The following PTPRG variants were observed in gnomAD, a reference collection of about 807,000 sequenced individuals.
PTPRG encodes the protein receptor-type tyrosine-protein phosphatase gamma.
PTPRG carries 102 observed loss-of-function variants against 165.3 expected under a neutral mutation model. The observed-to-expected ratio is 0.62, with a 90% CI of 0.53 to 0.73. The LOEUF is 0.73. Ranked by LOEUF, PTPRG falls within the 30% of genes least tolerant of loss-of-function variation. The probability of loss-of-function intolerance (pLI) is 0.00; values close to 1 mark genes in which losing one functional copy is unlikely to be tolerated. For missense variants in PTPRG, 1,866 were observed against 1,861.4 expected (o/e 1.00, Z -0.05); for synonymous variants, 675 against 669.5 (o/e 1.01, Z -0.13).
At chr3:61,702,480 A>T (rs1183854726) in intron 1 of PTPRG, among the ~76,000 whole-genome samples, 2 of 152,356 alleles carry the variant, frequency 1.3e-5, no homozygotes, top group East Asian at 3.9e-4. Flanking sequence ...ACTTTTCATT[A>T]AACAATTAAA....
At chr3:62,146,631 T>A (rs59869788) in intron 6 of PTPRG, among the ~76,000 whole-genome samples, 12,774 of 146,174 alleles carry the variant, frequency 0.087, 1,534 homozygotes, top group African/African-American at 0.27. Context: ...CTGTTGCTTT[T>A]AAAAAAAAAA....
At chr3:61,691,117 T>G (rs2030178335) in intron 1 of PTPRG, among the ~76,000 whole-genome samples, 1 of 152,184 alleles carries the variant, frequency 6.6e-6, no homozygotes, top group Admixed American at 6.5e-5. Flanking sequence ...TGGGTGACTT[T>G]AAAACAAGTT....
Position 61,975,892 on chromosome 3 carries a change from G to T in PTPRG, c.191-13733G>T, listed in dbSNP as rs960976404. Among the ~76,000 whole-genome samples, 6 of 152,170 alleles carry T rather than the reference G, an allele frequency of 3.9e-5. No homozygotes were observed. In the East Asian group the frequency reaches 1.2e-3, roughly 29 times the overall value. ...GCCATTTTTACGTTTTCACTGATTT[G>T]CTCTTTTTTATATATTCTCCTTGTA... On this transcript the variant is annotated intron_variant, in intron 2 of 29. Transcript: ENST00000474889.
At chr3:62,244,105 C>T (rs144627984) in intron 15 of PTPRG, among the ~76,000 whole-genome samples, 4 of 152,268 alleles carry the variant, frequency 2.6e-5, no homozygotes, top group South Asian at 2.1e-4. Context: ...AGGGAAAAAC[C>T]GTACAAAAAC....
chr3:62,119,373 A>G (rs1220800814), intron 5 of PTPRG, among the ~76,000 whole-genome samples: 2 of 152,236 alleles, frequency 1.3e-5, no homozygotes, highest in Non-Finnish European at 2.9e-5. Flanking sequence ...CATTGAGCTT[A>G]GCTCTGATGA....
At chr3:61,564,499 C>T (rs1466630329) in intron 1 of PTPRG, among the ~76,000 whole-genome samples, 1 of 152,114 alleles carries the variant, frequency 6.6e-6, no homozygotes, top group Non-Finnish European at 1.5e-5. Flanking sequence ...TTCGCGCCCA[C>T]GCTGCGAGGT....
intron 2 of PTPRG, among the ~76,000 whole-genome samples, chr3:61,850,812 A>T (rs995250369): frequency 5.3e-5 from 8 of 152,224 alleles, no homozygotes; most frequent in Non-Finnish European, 1.0e-4. Context: ...AAATGAGAGC[A>T]CCATCTTAAA....
intron 2 of PTPRG, among the ~76,000 whole-genome samples, chr3:61,772,566 A>T (rs759855464): frequency 6.6e-6 from 1 of 152,162 alleles, no homozygotes; most frequent in Non-Finnish European, 1.5e-5. Context: ...ATCTTTGTAC[A>T]TACACTCTTT....
intron 2 of PTPRG, among the ~76,000 whole-genome samples, chr3:61,876,773 A>G (rs2037750311): frequency 1.3e-5 from 2 of 152,160 alleles, no homozygotes; most frequent in African/African-American, 4.8e-5. Context: ...CCTTCTATTA[A>G]TATAACTAGC....
At chr3:62,175,091 G>A (rs1705364329) in intron 8 of PTPRG, among the ~76,000 whole-genome samples, 1 of 152,118 alleles carries the variant, frequency 6.6e-6, no homozygotes, top group Non-Finnish European at 1.5e-5. Flanking sequence ...ATTTTTAAAT[G>A]CTCAGACATT....
At position 62,285,960 on chromosome 3, in the gene PTPRG, A is replaced by G. The variant is rs2148895284; in HGVS notation, c.4055+3091A>G. Among the ~76,000 whole-genome samples, 2 of 152,312 alleles carry G rather than the reference A, an allele frequency of 1.3e-5. 1 individual carries two copies. Among genetic ancestry groups the G allele is most frequent in the Middle Eastern group, 6.8e-3 (2 of 294 alleles). On this transcript the variant is annotated intron_variant, in intron 28 of 29. Coordinates refer to ENST00000474889, the MANE Select transcript of PTPRG (RefSeq NM_002841.4). ...CTGCCTTATTCATACCCATTCTGTC[A>G]TGAGTGGACAATTAAAAAGAGTTTT...
intron 4 of PTPRG, among the ~76,000 whole-genome samples, chr3:62,020,556 G>A (rs918146783): frequency 2.0e-5 from 3 of 152,122 alleles, no homozygotes; most frequent in African/African-American, 7.2e-5. Flanking sequence ...CTTTTGAAAT[G>A]CCAATATGAC....
At chr3:61,714,452 C>A (rs2031713658) in intron 1 of PTPRG, among the ~76,000 whole-genome samples, 1 of 151,948 alleles carries the variant, frequency 6.6e-6, no homozygotes, top group Non-Finnish European at 1.5e-5. Context: ...CTTAAGCAGC[C>A]ATGATGGGAC....
At chr3:61,741,264 C>T (rs554124867) in intron 1 of PTPRG, among the ~76,000 whole-genome samples, 1 of 152,168 alleles carries the variant, frequency 6.6e-6, no homozygotes, top group Non-Finnish European at 1.5e-5. Flanking sequence ...TGCTTGTCTG[C>T]CATTCTGGAT....
intron 2 of PTPRG, among the ~76,000 whole-genome samples, chr3:61,922,931 A>C (rs1019763805): frequency 6.6e-6 from 1 of 152,176 alleles, no homozygotes; most frequent in Admixed American, 6.5e-5. Flanking sequence ...GTAAGCCACC[A>C]TACCCCACCC....
At position 61,748,947 on chromosome 3, in the gene PTPRG, G is replaced by A. The variant is rs760765025; in HGVS notation, c.155G>A (p.Arg52His). The A allele has an allele frequency of 1.9e-6, 3 of 1,611,782 alleles. No homozygotes were observed. The highest frequency in any genetic ancestry group is 2.2e-5 in the East Asian group (1 of 44,842). Residue 52 changes from arginine to histidine, a missense_variant, in exon 2 of 30, where the codon CGC becomes CAC. This residue lies in a region of PTPRG where 408 missense variants were observed against 376.2 expected (regional missense o/e 1.08). Transcript: ENST00000474889. ...GGCAGCGCAGTGCAGATCCGCAGGC[G>A]CAAGGCTTCAGGCGACCCGTACTGG... ...RHGSAVQIRRRKASGDPYWAY... is the reference protein window; with the variant it reads ...RHGSAVQIRRHKASGDPYWAY...
At chr3:61,701,591 A>G (rs898049900) in intron 1 of PTPRG, among the ~76,000 whole-genome samples, 1 of 152,206 alleles carries the variant, frequency 6.6e-6, no homozygotes, top group Admixed American at 6.5e-5. Flanking sequence ...TTGTTATAAT[A>G]ATGATGGTGA....
intron 19 of PTPRG, among the ~76,000 whole-genome samples, chr3:62,268,476 C>G (rs976556139): frequency 6.6e-6 from 1 of 151,884 alleles, no homozygotes; most frequent in African/African-American, 2.4e-5. Context: ...TGCACATGTA[C>G]CCCAAAACTA....
intron 1 of PTPRG, among the ~76,000 whole-genome samples, chr3:61,639,536 C>T (rs1012916010): frequency 1.3e-5 from 2 of 152,026 alleles, no homozygotes; most frequent in South Asian, 2.1e-4. Flanking sequence ...TTCTTCCAAT[C>T]CATGAGCATG....
Sources: allele counts gnomAD v4.1 joint callset (sites outside exome capture counted in the v4.1 genomes callset), GRCh38; gene constraint gnomAD v4.1.1; regional missense constraint gnomAD v4.1.1; transcripts MANE v1.5; gene names NCBI Gene and HGNC (gene_info 2026-07-23, HGNC 2026-07-21).